The following ZDHHC11 variants were observed in gnomAD, a reference collection of about 807,000 sequenced individuals.
ZDHHC11 encodes zDHHC palmitoyltransferase 11.
ZDHHC11 carries 44 observed loss-of-function variants against 51.3 expected under a neutral mutation model. The observed-to-expected ratio is 0.86, with a 90% confidence interval of 0.67 to 1.10. The LOEUF is 1.10. ZDHHC11 is among the 50% of genes least tolerant of loss of function. The pLI, the probability that ZDHHC11 is intolerant of heterozygous loss-of-function variation, is 0.00. For synonymous variants in ZDHHC11, 163 were observed against 222.0 expected, an observed-to-expected ratio of 0.73 and a Z score of 2.36; for missense variants, 400 against 537.7, an observed-to-expected ratio of 0.74 and a Z score of 2.53.
chr5:852,689 C>G (rs550602535), upstream of ZDHHC11, among the ~76,000 whole-genome samples: 32 of 150,094 alleles, frequency 2.1e-4, 1 homozygote, highest in South Asian at 6.4e-3. Flanking sequence ...GGGGGACAGA[C>G]CACACGGAGG....
upstream of ZDHHC11, among the ~76,000 whole-genome samples, chr5:851,701 G>A (rs2150480511): frequency 6.6e-6 from 1 of 152,300 alleles, no homozygotes; most frequent in East Asian, 1.9e-4. Flanking sequence ...AGGACCCTGG[G>A]GCTTGAGTCA....
intron 11 of ZDHHC11, among the ~76,000 whole-genome samples, chr5:811,608 G>A (rs1400390577): frequency 1.4e-5 from 2 of 146,900 alleles, no homozygotes; most frequent in African/African-American, 5.3e-5. Context: ...TGCATCCTCT[G>A]CCCACCTGGG....
chr5:851,257 C>T (rs112786153), upstream of ZDHHC11, among the ~76,000 whole-genome samples: 20 of 149,846 alleles, frequency 1.3e-4, no homozygotes, highest in African/African-American at 3.9e-4. Context: ...TCCAGCCACG[C>T]GGGGCTGGGG....
At chr5:801,733 C>A (rs1417627387) in intron 11 of ZDHHC11, among the ~76,000 whole-genome samples, 1 of 151,172 alleles carries the variant, frequency 6.6e-6, no homozygotes, top group Non-Finnish European at 1.5e-5. Context: ...GGTTGGAGAT[C>A]GGGCTTAACT....
chr5:858,011 C>T (rs979117014), intron 1 of ZDHHC11, among the ~76,000 whole-genome samples: 1 of 128,712 alleles, frequency 7.8e-6, no homozygotes, highest in Non-Finnish European at 1.6e-5. Flanking sequence ...GGGTCTGTCC[C>T]GGTCCTGTCC....
At chr5:859,243 C>A (rs759859108), upstream of ZDHHC11, among the ~76,000 whole-genome samples, 1 of 152,144 alleles carries the variant, frequency 6.6e-6, no homozygotes, top group East Asian at 1.9e-4. Flanking sequence ...TCGGCCTCCC[C>A]CTCCCTGCCT....
chr5:799,294 C>T (rs1437408154), intron 12 of ZDHHC11, among the ~76,000 whole-genome samples: 2 of 151,494 alleles, frequency 1.3e-5, no homozygotes, highest in African/African-American at 4.9e-5. Context: ...GTGATCTCTG[C>T]ACATGTCAGC....
At chr5:825,408 T>C (rs768340742) in intron 7 of ZDHHC11, among the ~76,000 whole-genome samples, 157 bp from the exon 8 acceptor site, 3 of 152,056 alleles carry the variant, frequency 2.0e-5, no homozygotes, top group African/African-American at 7.2e-5. Flanking sequence ...GTTGTCTAAG[T>C]ACTCCTGCGT....
At chr5:834,785 T>G (rs1359035643) in intron 6 of ZDHHC11, among the ~76,000 whole-genome samples, 4 of 152,104 alleles carry the variant, frequency 2.6e-5, no homozygotes, top group Non-Finnish European at 4.4e-5. Context: ...GTAAGCAGCT[T>G]TTAGCAATAA....
upstream of ZDHHC11, among the ~76,000 whole-genome samples, chr5:859,538 C>T (rs1021303315): frequency 1.8e-4 from 28 of 152,268 alleles, no homozygotes; most frequent in Admixed American, 5.2e-4. Flanking sequence ...TAGGAGGAAC[C>T]GGGGGAGGGA....
chr5:828,713 G>C lies in ZDHHC11; in HGVS notation c.936-3462C>G, dbSNP rs576049842. On this transcript the variant is annotated intron_variant, in intron 7 of 12. Transcript: ENST00000283441. ...TGCAGAATGTACATTCTTTTCATCA[G>C]TACATGGAAAATTCTCCAAGATACA... 3.1e-3 allele frequency among the ~76,000 whole-genome samples: 463 copies of C among 150,844 alleles called. 12 individuals are homozygous for C. The highest frequency in any genetic ancestry group is 5.1e-3 in the Non-Finnish European group (346 of 67,580).
At chr5:797,712 G>C (rs1175430136) in intron 12 of ZDHHC11, among the ~76,000 whole-genome samples, 1 of 151,552 alleles carries the variant, frequency 6.6e-6, no homozygotes, top group African/African-American at 2.4e-5. Context: ...GTTTTGGTCT[G>C]CCAAATTCAA....
upstream of ZDHHC11, among the ~76,000 whole-genome samples, chr5:859,866 A>T (rs1335042384): frequency 2.6e-5 from 4 of 151,890 alleles, no homozygotes; most frequent in African/African-American, 2.4e-5. Flanking sequence ...GTCCCCAAGG[A>T]CTCCTATCTG....
upstream of ZDHHC11, among the ~76,000 whole-genome samples, chr5:855,175 C>G (rs1039540692): frequency 7.1e-6 from 1 of 141,078 alleles, no homozygotes; most frequent in Non-Finnish European, 1.5e-5. Flanking sequence ...CTACAGAGAA[C>G]AGAGAGCCGG....
At chr5:822,718 A>G (rs1241418570) in intron 8 of ZDHHC11, among the ~76,000 whole-genome samples, 1 of 151,516 alleles carries the variant, frequency 6.6e-6, no homozygotes, top group Non-Finnish European at 1.5e-5. Context: ...TGTTGCCCAT[A>G]GTGGTCTCAA....
In ZDHHC11 at chr5:841,361, CCTCA is replaced by C. The variant is rs751751560; in HGVS notation, c.629-715_629-712del. On this transcript the variant is annotated intron_variant, in intron 4 of 12. Transcript: ENST00000283441. ...GCCGGGGTCACAGTGCCCACCCCTT[CCTCA>C]CTAAGTGCCAGGGTCACAGTGCCCA... 24 of 920,184 alleles carry C rather than the reference CCTCA, an allele frequency of 2.6e-5. 1 individual carries two copies. The East Asian group carries it at 7.6e-4, about 29-fold the overall frequency. 57.0% of individuals were successfully genotyped at this position (920,184 alleles called of 1,614,324 possible). A position where few individuals can be genotyped will look rare whatever the true frequency, so the allele number is the denominator to read the frequency against.
chr5:805,130 G>A (rs12652798), intron 11 of ZDHHC11, among the ~76,000 whole-genome samples: 30,338 of 149,978 alleles, frequency 0.2, 4,289 homozygotes, highest in African/African-American at 0.41. Context: ...TAAAAGCAGT[G>A]TTTGTGTACT....
chr5:858,073 C>T (rs1250762829), intron 1 of ZDHHC11, among the ~76,000 whole-genome samples: 1 of 147,544 alleles, frequency 6.8e-6, no homozygotes, highest in Non-Finnish European at 1.5e-5. Flanking sequence ...AGGTCCCTGT[C>T]ATGTCTTTAT....
chr5:807,608 A>G (rs1278018835), intron 11 of ZDHHC11, among the ~76,000 whole-genome samples: 638 of 151,754 alleles, frequency 4.2e-3, no homozygotes, highest in African/African-American at 0.015. Context: ...AGAGGCAACC[A>G]CCATTCACTG....
Sources: gnomAD v4.1 joint callset for allele counts (sites outside exome capture counted in the v4.1 genomes callset) on GRCh38, gnomAD v4.1.1 for gene constraint, MANE v1.5 for transcripts, NCBI Gene and HGNC (gene_info 2026-07-23, HGNC 2026-07-21) for gene names.